Variants in TMC6 observed in about 807,000 individuals in gnomAD.
The protein encoded by TMC6 is transmembrane channel like 6.
TMC6 carries 71 observed loss-of-function variants against 95.4 expected under a neutral mutation model. The observed-to-expected ratio is 0.74, with a 90% CI of 0.61 to 0.91. TMC6 has a LOEUF of 0.91. Ranked by LOEUF, TMC6 falls within the 40% of genes least tolerant of loss-of-function variation. The probability of loss-of-function intolerance (pLI) is 0.00; values close to 1 mark genes in which losing one functional copy is unlikely to be tolerated. For missense variants in TMC6, 1,074 were observed against 1,079.1 expected (o/e 1.00, Z 0.07); for synonymous variants, 514 against 483.1 (o/e 1.06, Z -0.84).
chr17:78,124,376 G>C lies in TMC6; in HGVS notation c.891+148C>G, dbSNP rs1380360485. 6.5e-6 allele frequency: 9 copies of C among 1,394,786 alleles called. No individual in the cohort carries two copies. In the Admixed American group the frequency reaches 1.4e-4, roughly 22 times the overall value. 86.4% of individuals were successfully genotyped at this position (1,394,786 alleles called of 1,614,324 possible). A position where few individuals can be genotyped will look rare whatever the true frequency, so the allele number is the denominator to read the frequency against. ...CACGATGAGCATCCAGGGTCATTGAGGGGGAGGCGGGGAGCTGGCTGTGGC... is the reference window on the plus strand; with the variant it reads ...CACGATGAGCATCCAGGGTCATTGACGGGGAGGCGGGGAGCTGGCTGTGGC... On this transcript the variant is annotated intron_variant, in intron 8 of 19. Coordinates refer to ENST00000590602, the MANE Select transcript of TMC6 (RefSeq NM_001127198.5).
rs368745272 is a variant in TMC6, at chr17:78,118,954, G to A, written c.1887+17C>T. 15 of 1,585,556 alleles carry A rather than the reference G, an allele frequency of 9.5e-6. No individual in the cohort carries two copies. The highest frequency in any genetic ancestry group is 9.4e-5 in the African/African-American group (7 of 74,404). On this transcript the variant is annotated intron_variant, in intron 15 of 19. Transcript: ENST00000590602. The stretch of plus-strand genomic sequence containing the variant: ...CACCCTGCCAGCCCAGCCCTCCCCA[G>A]GCCTTGGCAGCCTCACCTTCTTGAC...
intron 18 of TMC6, among the ~76,000 whole-genome samples, chr17:78,115,677 C>G (rs1314589150): frequency 2.8e-4 from 30 of 106,450 alleles, no homozygotes; most frequent in Non-Finnish European, 3.8e-4. Flanking sequence ...GGAGTGGGCA[C>G]AGGGGCGAAG....
At position 78,107,927 on chromosome 17, in the gene TMC6, G is replaced by C. The variant is rs1278441038; in HGVS notation, c.*5221C>G. Reference sequence around the variant, plus strand: ...CATCTATTTTTGTAAAATCACCTTCGCTAACTTTCACCAAGCACTTTGAGC... The same window carrying C: ...CATCTATTTTTGTAAAATCACCTTCCCTAACTTTCACCAAGCACTTTGAGC... On this transcript the variant is annotated 3_prime_UTR_variant, in exon 20 of 20. Coordinates refer to ENST00000590602, the MANE Select transcript of TMC6 (RefSeq NM_001127198.5). The C allele has an allele frequency of 6.6e-6, 1 of 152,106 alleles. No individual in the cohort carries two copies. The highest frequency in any genetic ancestry group is 1.9e-4 in the East Asian group (1 of 5,196). The allele number at this position is 152,106 out of a possible 1,614,324, so 9.4% of individuals were successfully genotyped here.
At chr17:78,117,154 C>G in intron 18 of TMC6, 115 bp downstream of exon 18, 1 of 1,155,240 alleles carries the variant, frequency 8.7e-7, no homozygotes, top group Non-Finnish European at 1.3e-6. Context: ...GTTTGGCAAA[C>G]AAACCCTTTC....
rs116662536 is a variant in TMC6 at position 78,124,367 on chromosome 17, G to A, written c.891+157C>T. The A allele has an allele frequency of 2.6e-3, 3,601 of 1,363,820 alleles. 69 individuals carry two copies. The African/African-American group carries it at 0.047, about 18-fold the overall frequency. 84.5% of individuals were successfully genotyped at this position (1,363,820 alleles called of 1,614,324 possible). ...GAACCCCAGCACGATGAGCATCCAG[G>A]GTCATTGAGGGGGAGGCGGGGAGCT... On this transcript the variant is annotated intron_variant, in intron 8 of 19. Coordinates refer to ENST00000590602, the MANE Select transcript of TMC6 (RefSeq NM_001127198.5).
rs560201979 is a variant in TMC6 at position 78,125,431 on chromosome 17, G to A, written c.431-168C>T. 6.6e-5 allele frequency among the ~76,000 whole-genome samples: 10 copies of A among 152,326 alleles called. No homozygotes were observed. The South Asian group carries it at 8.3e-4, about 13-fold the overall frequency. ...CAGCCGTGTGTTTGCTTCAGTCAGCGACAAGCAGGAAGCTCACAGAGCACA... is the reference window on the plus strand; with the variant it reads ...CAGCCGTGTGTTTGCTTCAGTCAGCAACAAGCAGGAAGCTCACAGAGCACA... On this transcript the variant is annotated intron_variant, in intron 5 of 19. Transcript: ENST00000590602.
intron 12 of TMC6, 87 bp from the exon 13 acceptor site, chr17:78,120,919 C>A: frequency 6.2e-7 from 1 of 1,611,902 alleles, no homozygotes. Context: ...CTTGGTCACA[C>A]CGGCCTCATC....
rs1567974982 is a variant in TMC6 at position 78,108,567 on chromosome 17, AG to A, written c.*4580del. ...GCAAAGGATGTGGCAGGCTTCATGGAGGAGGTGGCATTTGCCCTGGGCCTGG... is the reference window on the plus strand; with the variant it reads ...GCAAAGGATGTGGCAGGCTTCATGGAGAGGTGGCATTTGCCCTGGGCCTGG... On this transcript the variant is annotated 3_prime_UTR_variant, in exon 20 of 20. Transcript: ENST00000590602. 2 of 155,140 alleles carry A rather than the reference AG, an allele frequency of 1.3e-5. No individual in the cohort carries two copies. Among genetic ancestry groups the A allele is most frequent in the Admixed American group, 1.3e-4 (2 of 15,294 alleles). The allele number at this position is 155,140 out of a possible 1,614,324, so 9.6% of individuals were successfully genotyped here. A position where few individuals can be genotyped will look rare whatever the true frequency, so the allele number is the denominator to read the frequency against.
chr17:78,132,216 T>C (rs2145588998), upstream of TMC6: 1 of 1,372,828 alleles, frequency 7.3e-7, no homozygotes, highest in East Asian at 2.5e-5. Flanking sequence ...CACCCCCAGG[T>C]GACTGTCAGC....
Position 78,124,037 on chromosome 17 carries a change from G to C in TMC6, c.1034C>G (p.Ser345Cys). The change falls in exon 9 of 20, where the codon TCC (serine) becomes TGC (cysteine). Residue 345 changes from serine (S) to cysteine (C), a missense_variant. By Grantham distance (112) the Ser-to-Cys change is moderately radical. Transcript: ENST00000590602. ...GATAAAGAAGCTCACGCCCACAGTGGAGAGGTAGGCCAGGGGCATGTTGTA... is the reference window on the plus strand; with the variant it reads ...GATAAAGAAGCTCACGCCCACAGTGCAGAGGTAGGCCAGGGGCATGTTGTA... ...LPYNMPLAYL[S>C]TVGVSFFITC... 1 of 1,613,776 alleles carries C rather than the reference G, an allele frequency of 6.2e-7. No homozygotes were observed. Among genetic ancestry groups the C allele is most frequent in the South Asian group, 1.1e-5 (1 of 91,082 alleles).
At position 78,121,559 on chromosome 17, in the gene TMC6, G is replaced by A; in HGVS notation, c.1380C>T (p.Ile460=). 4 of 1,611,274 alleles carry A rather than the reference G, an allele frequency of 2.5e-6. No homozygotes were observed. The highest frequency in any genetic ancestry group is 3.4e-6 in the Non-Finnish European group (4 of 1,179,726). ...CAGGCTCCCCCCATCCCCGCACCTG[G>A]ATCATGAACTCCGAGAAGACGTGGA... ...VAVHVFSEFM[I]QSPEAAGQEA... Residue 460 remains isoleucine, a synonymous_variant, in exon 11 of 20, where the codon ATC becomes ATT. Coordinates refer to ENST00000590602, the MANE Select transcript of TMC6 (RefSeq NM_001127198.5). The surrounding 1 kb of genome is among the most constrained non-coding windows in gnomAD (Gnocchi z 5.6).
In TMC6 at chr17:78,128,551, C is replaced by T. The variant is rs1308614136; in HGVS notation, c.-75+61G>A. 1 of 152,264 alleles carries T rather than the reference C, an allele frequency of 6.6e-6. No individual in the cohort carries two copies. Among genetic ancestry groups the T allele is most frequent in the Non-Finnish European group, 1.5e-5 (1 of 68,076 alleles). The allele number at this position is 152,264 out of a possible 1,614,324, so 9.4% of individuals were successfully genotyped here. A position where few individuals can be genotyped will look rare whatever the true frequency, so the allele number is the denominator to read the frequency against. On this transcript the variant is annotated intron_variant, in intron 1 of 19. Coordinates refer to ENST00000590602, the MANE Select transcript of TMC6 (RefSeq NM_001127198.5). This position sits in a 1 kb window ranked among gnomAD's most constrained non-coding sequence, Gnocchi z 4.0. ...GGAATTCAGGGGGGATTGCCGCTGT[C>T]CCCGCATAGGAGAAGCAGCTGGGGC...
chr17:78,125,850 G>T lies in TMC6; in HGVS notation c.306C>A (p.Tyr102Ter), dbSNP rs371786754. Residue 102 changes from tyrosine (Y) to a stop codon, truncating the protein, a stop_gained, in exon 5 of 20, where the codon TAC (tyrosine) becomes TAA (stop). Coordinates refer to ENST00000590602, the MANE Select transcript of TMC6 (RefSeq NM_001127198.5). LOFTEE classifies it high-confidence loss of function. The stretch of plus-strand genomic sequence containing the variant: ...TGCACCGAAGCTGCACCGTGCGGTT[G>T]TAGTACTGGGAGATGATGGCACCTC... ...RSRGAIISQY[Y>*]NRTVQLRCRS... 4 of 1,551,966 alleles carry T rather than the reference G, an allele frequency of 2.6e-6. No individual in the cohort carries two copies. The highest frequency in any genetic ancestry group is 3.5e-6 in the Non-Finnish European group (4 of 1,147,592).
At chr17:78,114,804 C>T (rs1424086534) in intron 18 of TMC6, among the ~76,000 whole-genome samples, 1 of 152,218 alleles carries the variant, frequency 6.6e-6, no homozygotes, top group Non-Finnish European at 1.5e-5. Flanking sequence ...TGCCGACCTG[C>T]ACGGGGAAAA....
At chr17:78,131,483 A>T, upstream of TMC6, 1 of 1,465,204 alleles carries the variant, frequency 6.8e-7, no homozygotes, top group Non-Finnish European at 9.2e-7. Flanking sequence ...CCCCCAGCCC[A>T]GCGTGCACAG....
intron 18 of TMC6, among the ~76,000 whole-genome samples, chr17:78,115,550 G>C (rs561505737): frequency 1.3e-5 from 2 of 152,294 alleles, no homozygotes; most frequent in Non-Finnish European, 2.9e-5. Flanking sequence ...GGTAGCCCGG[G>C]GGGAAAGTGC....
Position 78,125,786 on chromosome 17 carries a change from C to G in TMC6, c.370G>C (p.Ala124Pro), listed in dbSNP as rs759925295. ...TCGTACAGGCGGAGGCTGGGCCAGG[C>G]GGAGCGGACAAAGTTCCCGAGCAGG... ...RPLLGNFVRS[A>P]WPSLRLYDLE... The change falls in exon 5 of 20, where the codon GCC becomes CCC. Residue 124 changes from alanine to proline, a missense_variant. Transcript: ENST00000590602. The G allele has an allele frequency of 7.0e-6, 11 of 1,562,132 alleles. No homozygotes were observed. The highest frequency in any genetic ancestry group is 1.4e-5 in the African/African-American group (1 of 73,396).
At position 78,121,109 on chromosome 17, in the gene TMC6, C is replaced by T; in HGVS notation, c.1439G>A (p.Gly480Asp). 1.2e-6 allele frequency: 2 copies of T among 1,611,670 alleles called. No individual in the cohort carries two copies. Among genetic ancestry groups the T allele is most frequent in the Non-Finnish European group, 1.7e-6 (2 of 1,179,392 alleles). The part of the protein sequence containing the change: ...AVLLVLPLVV[G>D]LLNLGAPYLC... The stretch of plus-strand genomic sequence containing the variant: ...GTAGGGGGCCCCCAGGTTGAGGAGG[C>T]CAACCACCAGGGGCAGGACCAGCAG... Residue 480 changes from glycine (G) to aspartate (D), a missense_variant, in exon 12 of 20, where the codon GGC becomes GAC. By Grantham distance (94) the Gly-to-Asp change is moderately conservative. Transcript: ENST00000590602. This position sits in a 1 kb window ranked among gnomAD's most constrained non-coding sequence, Gnocchi z 5.6.
intron 18 of TMC6, 47 bp from the exon 19 acceptor site, chr17:78,113,671 C>T (rs1161380623): frequency 6.3e-7 from 1 of 1,589,588 alleles, no homozygotes; most frequent in South Asian, 1.1e-5. Context: ...TCCATCAGCC[C>T]ATCCAGAGCC....
Sources: allele counts gnomAD v4.1 joint callset (sites outside exome capture counted in the v4.1 genomes callset), GRCh38; gene constraint gnomAD v4.1.1; non-coding constraint Gnocchi (gnomAD v3.1); transcripts MANE v1.5; gene names NCBI Gene and HGNC (gene_info 2026-07-23, HGNC 2026-07-21).